MBNL1: variants seen among roughly 807,000 people sequenced by gnomAD.
The protein encoded by MBNL1 is muscleblind like splicing regulator 1, also known as muscleblind-like protein 1.
MBNL1 carries 8 observed loss-of-function variants against 42.2 expected under a neutral mutation model. That is an observed-to-expected ratio of 0.19 (90% CI 0.11 to 0.34). MBNL1 has a LOEUF of 0.34. Ranked by LOEUF, MBNL1 falls within the 10% of genes least tolerant of loss-of-function variation. MBNL1 has a pLI of 1.00. For missense variants in MBNL1, 309 were observed against 495.3 expected, an observed-to-expected ratio of 0.62 and a Z score of 3.57; for synonymous variants, 169 against 173.9, an observed-to-expected ratio of 0.97 and a Z score of 0.22.
Position 152,463,385 on chromosome 3 carries a change from G to A in MBNL1, c.*1019G>A, listed in dbSNP as rs1390328906. On this transcript the variant is annotated 3_prime_UTR_variant, in exon 10 of 10. Transcript: ENST00000324210. ...TGAGACACAGTAACAAAAAAATGAG[G>A]AAATTATTTTGCTTCTATTTATAGC... The A allele has an allele frequency of 1.3e-5, 2 of 152,298 alleles. No individual in the cohort carries two copies. Among genetic ancestry groups the A allele is most frequent in the East Asian group, 3.9e-4 (2 of 5,190 alleles). The allele number at this position is 152,298 out of a possible 1,614,324, so 9.4% of individuals were successfully genotyped here. A position where few individuals can be genotyped will look rare whatever the true frequency, so the allele number is the denominator to read the frequency against.
chr3:152,263,355 A>T (rs1235003333), upstream of MBNL1: 1 of 152,166 alleles, frequency 6.6e-6, no homozygotes, highest in Non-Finnish European at 1.5e-5. Context: ...ACCTTCACTA[A>T]TTTCGAATTT....
intron 2 of MBNL1, among the ~76,000 whole-genome samples, chr3:152,323,891 A>G (rs901474029): frequency 3.3e-4 from 50 of 152,138 alleles, no homozygotes; most frequent in Admixed American, 2.7e-3. Context: ...ATCTAGTTCT[A>G]TGATTGGTTT....
intron 2 of MBNL1, among the ~76,000 whole-genome samples, chr3:152,400,901 T>TGGTA (rs2098188327): frequency 6.6e-6 from 1 of 152,198 alleles, no homozygotes; most frequent in Non-Finnish European, 1.5e-5. Flanking sequence ...TGTGGTTGAT[T>TGGTA]GGTAAATGAG....
At chr3:152,327,136 A>AT (rs894448113) in intron 2 of MBNL1, among the ~76,000 whole-genome samples, 11 of 151,372 alleles carry the variant, frequency 7.3e-5, no homozygotes, top group East Asian at 1.9e-4. Flanking sequence ...GCTTCTCCTA[A>AT]TTTTTTTTGA....
intron 3 of MBNL1, among the ~76,000 whole-genome samples, 166 bp downstream of exon 3, chr3:152,415,277 A>G (rs1261851671): frequency 1.3e-5 from 2 of 152,164 alleles, no homozygotes; most frequent in African/African-American, 4.8e-5. Flanking sequence ...AACAATTTAT[A>G]CTTTGTGTAG....
At chr3:152,327,824 T>TA (rs1440164618) in intron 2 of MBNL1, among the ~76,000 whole-genome samples, 1 of 151,954 alleles carries the variant, frequency 6.6e-6, no homozygotes, top group East Asian at 1.9e-4. Context: ...CATTTTTTTT[T>TA]ATAGCTTTCT....
chr3:152,349,762 G>GTGTA (rs1165791355), intron 2 of MBNL1, among the ~76,000 whole-genome samples: 1 of 151,886 alleles, frequency 6.6e-6, no homozygotes, highest in Non-Finnish European at 1.5e-5. Flanking sequence ...AATTGTCTGT[G>GTGTA]TGTGTGTGTG....
At chr3:152,422,049 CATA>C (rs2153692495) in intron 3 of MBNL1, among the ~76,000 whole-genome samples, 1 of 152,096 alleles carries the variant, frequency 6.6e-6, no homozygotes, top group East Asian at 1.9e-4. Flanking sequence ...CAGCTAGCAT[CATA>C]ATGACAGGAT....
chr3:152,435,641 A>G (rs926247956), intron 4 of MBNL1, among the ~76,000 whole-genome samples: 1 of 152,138 alleles, frequency 6.6e-6, no homozygotes, highest in African/African-American at 2.4e-5. Flanking sequence ...CAGTATGGCC[A>G]TTTTAATGTT....
intron 2 of MBNL1, among the ~76,000 whole-genome samples, chr3:152,328,136 C>A (rs1364939188): frequency 6.6e-6 from 1 of 151,896 alleles, no homozygotes; most frequent in Non-Finnish European, 1.5e-5. Context: ...TCTTTATCTC[C>A]TATAGTGTGT....
intron 2 of MBNL1, among the ~76,000 whole-genome samples, chr3:152,336,045 A>G (rs993023383): frequency 1.3e-5 from 2 of 152,220 alleles, no homozygotes; most frequent in African/African-American, 2.4e-5. Flanking sequence ...GGTGCTGGAA[A>G]TATAACTGTG....
chr3:152,380,324 A>G (rs2097127573), intron 2 of MBNL1, among the ~76,000 whole-genome samples: 1 of 152,100 alleles, frequency 6.6e-6, no homozygotes, highest in Non-Finnish European at 1.5e-5. Flanking sequence ...AGAATTTGAC[A>G]CGCTCCTTAT....
At chr3:152,356,690 G>A (rs554421027) in intron 2 of MBNL1, among the ~76,000 whole-genome samples, 1 of 152,146 alleles carries the variant, frequency 6.6e-6, no homozygotes, top group African/African-American at 2.4e-5. Context: ...GGCTGGTCTC[G>A]AACTCCTGAC....
At chr3:152,401,550 A>G (rs2098218598) in intron 2 of MBNL1, among the ~76,000 whole-genome samples, 1 of 152,070 alleles carries the variant, frequency 6.6e-6, no homozygotes, top group Non-Finnish European at 1.5e-5. Flanking sequence ...CTTGAACACA[A>G]TTTCCCAAGT....
intron 2 of MBNL1, among the ~76,000 whole-genome samples, chr3:152,332,747 C>T (rs551590286): frequency 4.2e-4 from 62 of 148,720 alleles, no homozygotes; most frequent in Non-Finnish European, 7.0e-4. Context: ...TGTGCGCGCG[C>T]GCATGCGCAC....
chr3:152,417,953 G>A (rs1051583441), intron 3 of MBNL1, among the ~76,000 whole-genome samples: 2 of 152,148 alleles, frequency 1.3e-5, no homozygotes, highest in African/African-American at 2.4e-5. Context: ...TGTGAGTGAC[G>A]AGGTCTATAC....
intron 4 of MBNL1, among the ~76,000 whole-genome samples, chr3:152,435,630 G>A (rs2099069063): frequency 1.3e-5 from 2 of 152,080 alleles, no homozygotes; most frequent in African/African-American, 4.8e-5. Context: ...CTTGCTTTGA[G>A]CAGTATGGCC....
At chr3:152,332,733 T>C (rs974805259) in intron 2 of MBNL1, among the ~76,000 whole-genome samples, 2,648 of 133,554 alleles carry the variant, frequency 0.02, 34 homozygotes, top group South Asian at 0.036. Context: ...TGTGTGTGTG[T>C]GTGTGTGCGC....
chr3:152,436,847 T>C (rs2099084755), intron 4 of MBNL1, among the ~76,000 whole-genome samples: 1 of 152,212 alleles, frequency 6.6e-6, no homozygotes, highest in Non-Finnish European at 1.5e-5. Context: ...GCATCAACTG[T>C]CATTTCCCTT....
Sources: allele counts gnomAD v4.1 joint callset (sites outside exome capture counted in the v4.1 genomes callset), GRCh38; gene constraint gnomAD v4.1.1; transcripts MANE v1.5; gene names NCBI Gene and HGNC (gene_info 2026-07-23, HGNC 2026-07-21).